CAST: variants seen among roughly 807,000 people sequenced by gnomAD.
CAST encodes the protein calpastatin, also known as MIR583 host.
Under a neutral mutation model 119.6 loss-of-function variants are expected in CAST, and 76 were observed. The ratio of observed to expected loss-of-function variants is 0.64; its 90% CI spans 0.53 to 0.77. CAST has a LOEUF of 0.77. Among genes scored for constraint, CAST ranks in the 30% least tolerant of loss-of-function variants. The probability of loss-of-function intolerance (pLI) is 0.00; values close to 1 mark genes in which losing one functional copy is unlikely to be tolerated. For synonymous variants in CAST, 319 were observed against 331.6 expected (o/e 0.96, Z 0.41); for missense variants, 953 against 946.5 (o/e 1.01, Z -0.09).
chr5:96,236,092 T>TC, the CAST span, among the ~76,000 whole-genome samples: 1 of 62,970 alleles, frequency 1.6e-5, no homozygotes, highest in Non-Finnish European at 3.9e-5. Context: ...TGTCTGTCTG[T>TC]CTATCTGTCT....
intron 1 of CAST, among the ~76,000 whole-genome samples, chr5:96,577,357 C>A (rs564324487): frequency 4.0e-5 from 6 of 151,670 alleles, no homozygotes; most frequent in Admixed American, 6.6e-5. Flanking sequence ...TTTTCTTTGT[C>A]ATTTTGCTGC....
the CAST span, among the ~76,000 whole-genome samples, chr5:96,404,831 A>G: frequency 6.6e-6 from 1 of 152,206 alleles, no homozygotes; most frequent in Non-Finnish European, 1.5e-5. Context: ...GGTGAAATTA[A>G]TAATTTCTAT....
intron 4 of CAST, 47 bp from the exon 5 acceptor site, chr5:96,726,747 C>G (rs374332702): frequency 9.1e-6 from 12 of 1,322,360 alleles, no homozygotes; most frequent in Admixed American, 1.9e-5. Flanking sequence ...ACTTATTTGA[C>G]TGACAGATAA....
chr5:96,396,410 A>C, the CAST span, among the ~76,000 whole-genome samples: 1 of 151,994 alleles, frequency 6.6e-6, no homozygotes, highest in African/African-American at 2.4e-5. Context: ...AAAATACAAA[A>C]ATTAGCCAGG....
the CAST span, among the ~76,000 whole-genome samples, chr5:96,407,331 A>G: frequency 6.6e-6 from 1 of 152,248 alleles, no homozygotes; most frequent in Non-Finnish European, 1.5e-5. Flanking sequence ...GAAGACAAAG[A>G]GCTGAAGGGT....
the CAST span, among the ~76,000 whole-genome samples, chr5:96,170,686 C>T: frequency 6.6e-6 from 1 of 152,180 alleles, no homozygotes; most frequent in Non-Finnish European, 1.5e-5. Context: ...CCAAACGAAC[C>T]ATGAACTGGG....
chr5:96,013,815 G>A, the CAST span, among the ~76,000 whole-genome samples: 5 of 152,080 alleles, frequency 3.3e-5, no homozygotes, highest in African/African-American at 1.2e-4. Context: ...TTGCACATAT[G>A]TATAGGGCAC....
upstream of CAST, among the ~76,000 whole-genome samples, chr5:96,524,462 A>C (rs1745567694): frequency 6.6e-6 from 1 of 152,232 alleles, no homozygotes; most frequent in South Asian, 2.1e-4. Context: ...TCAGGGACTC[A>C]GCATTCCAGC....
At chr5:96,668,235 C>T (rs951345521) in intron 1 of CAST, among the ~76,000 whole-genome samples, 1 of 152,106 alleles carries the variant, frequency 6.6e-6, no homozygotes, top group South Asian at 2.1e-4. Flanking sequence ...AACCAAATTG[C>T]TGTAGTTTGT....
chr5:95,961,880 G>T, the CAST span: 1 of 921,130 alleles, frequency 1.1e-6, no homozygotes, highest in Non-Finnish European at 1.5e-6. Flanking sequence ...GACTGCCACC[G>T]CCGCCACCCG....
At chr5:96,079,834 C>T in the CAST span, among the ~76,000 whole-genome samples, 1 of 152,076 alleles carries the variant, frequency 6.6e-6, no homozygotes, top group Non-Finnish European at 1.5e-5. Flanking sequence ...ATAGCTTTAT[C>T]CTATTCTTTT....
the CAST span, among the ~76,000 whole-genome samples, chr5:95,979,230 G>A: frequency 1.3e-5 from 2 of 152,064 alleles, no homozygotes; most frequent in East Asian, 3.8e-4. Context: ...AGAACTTTAT[G>A]TACCAATTCA....
In CAST at chr5:96,765,343, A is replaced by G; in HGVS notation, c.2037+18A>G. On this transcript the variant is annotated intron_variant, in intron 26 of 31. Transcript: ENST00000675179. ...AAGTAAAGGTAAAAAAAAAAAAAAA[A>G]AAAAAAAAAATTCACTAATAGTGAA... is the stretch of plus-strand genomic sequence containing the variant. The G allele has an allele frequency of 2.8e-6, 3 of 1,057,828 alleles. No individual in the cohort carries two copies. Among genetic ancestry groups the G allele is most frequent in the Non-Finnish European group, 2.7e-6 (2 of 741,894 alleles). 65.5% of individuals were successfully genotyped at this position (1,057,828 alleles called of 1,614,324 possible). A position where few individuals can be genotyped will look rare whatever the true frequency, so the allele number is the denominator to read the frequency against.
At chr5:96,176,755 T>G in the CAST span, among the ~76,000 whole-genome samples, 2 of 152,196 alleles carry the variant, frequency 1.3e-5, no homozygotes. Flanking sequence ...TTCATAACCC[T>G]GTATCGCATG....
At chr5:96,425,813 T>C in the CAST span, 3 of 1,466,944 alleles carry the variant, frequency 2.0e-6, no homozygotes, top group Admixed American at 5.0e-5. Flanking sequence ...CTTCTGTAGG[T>C]ACTTACCAAG....
Position 96,726,858 on chromosome 5 carries a change from A to C in CAST, c.335A>C (p.Gln112Pro). Residue 112 changes from glutamine (Q) to proline (P), a missense_variant and splice_region_variant, in exon 5 of 32, where the codon CAG becomes CCG. By Grantham distance (76) the Gln-to-Pro change is moderately conservative. Transcript: ENST00000675179. ...CCTAACAAGAAAAAACACAAAAAAC[A>C]GGTGATGTTGTTCATTGTACTAGGG... ...HLPNKKKHKKQAVKTEPEKKS... is the reference protein window; with the variant it reads ...HLPNKKKHKKPAVKTEPEKKS... The C allele has an allele frequency of 6.2e-7, 1 of 1,610,654 alleles. No homozygotes were observed. Among genetic ancestry groups the C allele is most frequent in the Non-Finnish European group, 8.5e-7 (1 of 1,177,016 alleles).
chr5:96,723,091 CA>C (rs1445935743), intron 4 of CAST, among the ~76,000 whole-genome samples: 1 of 152,084 alleles, frequency 6.6e-6, no homozygotes, highest in African/African-American at 2.4e-5. Flanking sequence ...TACAGAGGCA[CA>C]CCACCATGCC....
chr5:96,619,224 C>T (rs1006866066), intron 1 of CAST, among the ~76,000 whole-genome samples: 1 of 150,864 alleles, frequency 6.6e-6, no homozygotes, highest in Non-Finnish European at 1.5e-5. Flanking sequence ...GTAAACGCAC[C>T]AATCAGTGCT....
At chr5:96,325,456 T>G in the CAST span, among the ~76,000 whole-genome samples, 197 of 151,020 alleles carry the variant, frequency 1.3e-3, no homozygotes, top group Admixed American at 2.8e-3. Flanking sequence ...TTTCTTTCTT[T>G]TATTTTTTTA....
Sources: allele counts gnomAD v4.1 joint callset (sites outside exome capture counted in the v4.1 genomes callset), GRCh38; gene constraint gnomAD v4.1.1; transcripts MANE v1.5; gene names NCBI Gene and HGNC (gene_info 2026-07-23, HGNC 2026-07-21).